KHDRBS2: variants seen among roughly 807,000 people sequenced by gnomAD.
KHDRBS2 encodes the protein KH domain-containing, RNA-binding, signal transduction-associated protein 2.
A neutral mutation model predicts 44.3 loss-of-function variants in KHDRBS2; 26 were observed. The observed-to-expected ratio is 0.59, with a 90% CI of 0.43 to 0.81. The LOEUF (loss-of-function observed/expected upper bound fraction) is 0.81. Among genes scored for constraint, KHDRBS2 ranks in the 40% least tolerant of loss-of-function variants. KHDRBS2 has a pLI of 0.00. For missense variants in KHDRBS2, 476 were observed against 433.1 expected, an observed-to-expected ratio of 1.10 and a Z score of -0.88; for synonymous variants, 194 against 151.1, an observed-to-expected ratio of 1.28 and a Z score of -2.08.
At chr6:61,732,003 C>G (rs1051661771) in intron 7 of KHDRBS2, among the ~76,000 whole-genome samples, 2 of 151,968 alleles carry the variant, frequency 1.3e-5, no homozygotes, top group African/African-American at 4.8e-5. Context: ...CTACAAAGGG[C>G]CATGAAGAAG....
At chr6:61,586,264 G>A in the KHDRBS2 span, among the ~76,000 whole-genome samples, 1 of 152,170 alleles carries the variant, frequency 6.6e-6, no homozygotes, top group Non-Finnish European at 1.5e-5. Context: ...GCTTCAAGGA[G>A]CATGTGTCTC....
At chr6:62,020,505 G>T (rs1782061086) in intron 3 of KHDRBS2, among the ~76,000 whole-genome samples, 1 of 151,964 alleles carries the variant, frequency 6.6e-6, no homozygotes, top group African/African-American at 2.4e-5. Context: ...TATCCTTAAT[G>T]ATTGTCTACA....
At chr6:61,785,663 A>T (rs1379558288) in intron 6 of KHDRBS2, among the ~76,000 whole-genome samples, 1 of 152,076 alleles carries the variant, frequency 6.6e-6, no homozygotes, top group Non-Finnish European at 1.5e-5. Flanking sequence ...GAAGATGAAG[A>T]AGTATTGGGA....
At chr6:61,877,992 C>T (rs1034694222) in intron 6 of KHDRBS2, among the ~76,000 whole-genome samples, 2 of 151,770 alleles carry the variant, frequency 1.3e-5, no homozygotes, top group South Asian at 2.1e-4. Context: ...TATTGAATAG[C>T]TTTCCATTTT....
the KHDRBS2 span, among the ~76,000 whole-genome samples, chr6:61,622,192 C>A: frequency 6.6e-6 from 1 of 152,134 alleles, no homozygotes; most frequent in African/African-American, 2.4e-5. Flanking sequence ...ATGGTAAATT[C>A]CTTTAAACCT....
At chr6:62,138,194 A>G (rs551113593) in intron 2 of KHDRBS2, among the ~76,000 whole-genome samples, 1 of 152,324 alleles carries the variant, frequency 6.6e-6, no homozygotes. Context: ...CAAATACGGT[A>G]TACATAAAGG....
the KHDRBS2 span, among the ~76,000 whole-genome samples, chr6:61,618,649 T>C: frequency 6.6e-6 from 1 of 152,158 alleles, no homozygotes; most frequent in Non-Finnish European, 1.5e-5. Context: ...ATAGGCCCCG[T>C]TGTGCATTGT....
intron 7 of KHDRBS2, among the ~76,000 whole-genome samples, chr6:61,697,997 A>T (rs1768109400): frequency 6.6e-6 from 1 of 152,128 alleles, no homozygotes; most frequent in Non-Finnish European, 1.5e-5. Flanking sequence ...CATTTCTTGA[A>T]AAGAAGTGAC....
At chr6:62,260,816 A>T (rs938018319) in intron 1 of KHDRBS2, among the ~76,000 whole-genome samples, 18 of 152,052 alleles carry the variant, frequency 1.2e-4, no homozygotes, top group African/African-American at 3.4e-4. Context: ...GTTTTTAAGT[A>T]TAATGAGTAT....
chr6:61,608,444 T>C, the KHDRBS2 span, among the ~76,000 whole-genome samples: 1 of 152,132 alleles, frequency 6.6e-6, no homozygotes, highest in Non-Finnish European at 1.5e-5. Context: ...TTTTTTTCTT[T>C]TTTAATTAGG....
intron 2 of KHDRBS2, among the ~76,000 whole-genome samples, chr6:62,093,856 T>TTTTG (rs369117037): frequency 7.0e-6 from 1 of 143,214 alleles, no homozygotes; most frequent in Non-Finnish European, 1.5e-5. Context: ...TTCCATTGTT[T>TTTTG]TGTGTGTGTG....
chr6:62,158,565 T>C (rs1816954208), intron 2 of KHDRBS2, among the ~76,000 whole-genome samples: 2 of 152,174 alleles, frequency 1.3e-5, no homozygotes, highest in Non-Finnish European at 2.9e-5. Flanking sequence ...AAAAACTCTA[T>C]ATCTTAATAT....
At chr6:61,770,539 G>A (rs934609401) in intron 6 of KHDRBS2, among the ~76,000 whole-genome samples, 1 of 152,222 alleles carries the variant, frequency 6.6e-6, no homozygotes, top group East Asian at 1.9e-4. Flanking sequence ...TGTGACGAAT[G>A]CAGAAGCCTC....
At chr6:61,597,768 A>ATG in the KHDRBS2 span, among the ~76,000 whole-genome samples, 1 of 27,448 alleles carries the variant, frequency 3.6e-5, no homozygotes, top group African/African-American at 1.4e-4. Flanking sequence ...ACATATATAT[A>ATG]TATATACACC....
At chr6:62,132,237 G>A (rs17458678) in intron 2 of KHDRBS2, among the ~76,000 whole-genome samples, 8,237 of 152,236 alleles carry the variant, frequency 0.054, 303 homozygotes, top group Non-Finnish European at 0.07. Context: ...TTGCTTAAAT[G>A]ATTAATCTGT....
intron 6 of KHDRBS2, among the ~76,000 whole-genome samples, chr6:61,836,357 A>C (rs191932797): frequency 6.6e-6 from 1 of 152,134 alleles, no homozygotes; most frequent in Non-Finnish European, 1.5e-5. Context: ...ATGTAAGACA[A>C]GTTTCATACT....
intron 3 of KHDRBS2, among the ~76,000 whole-genome samples, chr6:62,024,485 A>G (rs77987983): frequency 0.015 from 2,205 of 151,682 alleles, 148 homozygotes; most frequent in Admixed American, 0.11. Flanking sequence ...GTTTTGTCAT[A>G]TCTCACCCTA....
At chr6:61,868,734 C>T (rs1303588830) in intron 6 of KHDRBS2, among the ~76,000 whole-genome samples, 1 of 152,166 alleles carries the variant, frequency 6.6e-6, no homozygotes, top group Non-Finnish European at 1.5e-5. Context: ...CACCCCTCCC[C>T]CACCAAGGAG....
intron 2 of KHDRBS2, among the ~76,000 whole-genome samples, chr6:62,071,656 T>C (rs916368905): frequency 2.6e-5 from 4 of 152,188 alleles, no homozygotes; most frequent in South Asian, 4.1e-4. Context: ...GCTGTAGATA[T>C]GTGGCATTAT....
Sources: allele counts gnomAD v4.1 joint callset (sites outside exome capture counted in the v4.1 genomes callset), GRCh38; gene constraint gnomAD v4.1.1; transcripts MANE v1.5; gene names NCBI Gene and HGNC (gene_info 2026-07-23, HGNC 2026-07-21).